Variants in DDX60 observed in about 807,000 individuals in gnomAD.
The protein encoded by DDX60 is DExD/H-box helicase 60.
DDX60 carries 165 observed loss-of-function variants against 212.8 expected under a neutral mutation model. The observed-to-expected ratio is 0.78, with a 90% CI of 0.68 to 0.88. The LOEUF (loss-of-function observed/expected upper bound fraction) is 0.88, where lower values mean the gene tolerates loss of function less well. Among genes scored for constraint, DDX60 ranks in the 40% least tolerant of loss-of-function variants. The pLI is 0.00. For synonymous variants in DDX60, 703 were observed against 685.3 expected (o/e 1.03, Z -0.40); for missense variants, 1,905 against 2,003.9 (o/e 0.95, Z 0.94).
chr4:168,292,045 C>CCT, intron 7 of DDX60, 139 bp from the exon 8 acceptor site: 2 of 415,666 alleles, frequency 4.8e-6, no homozygotes, highest in Non-Finnish European at 7.6e-6. Context: ...TTCTTTCTTT[C>CCT]TTTCTTTTTT....
chr4:168,264,678 T>A (rs901430057), intron 22 of DDX60, among the ~76,000 whole-genome samples: 1 of 152,206 alleles, frequency 6.6e-6, no homozygotes, highest in Non-Finnish European at 1.5e-5. Flanking sequence ...ATAACATATG[T>A]AACAGACTTA....
At chr4:168,235,745 G>A (rs1733608687) in intron 33 of DDX60, among the ~76,000 whole-genome samples, 1 of 151,994 alleles carries the variant, frequency 6.6e-6, no homozygotes, top group Non-Finnish European at 1.5e-5. Flanking sequence ...AGAAAATGTT[G>A]CATGTTACAA....
chr4:168,293,884 A>C lies in DDX60; in HGVS notation c.785T>G (p.Val262Gly). ...VWPEGSDIRR[V>G]FCVTSCSLSL... ...TAATGAGCATGAAGTAACACAAAAG[A>C]CACGCCGAATGTCAGATCCTTCTGG... Residue 262 changes from valine to glycine, a missense_variant, in exon 7 of 38, where the codon GTC becomes GGC. By Grantham distance (109) the Val-to-Gly change is moderately radical. Coordinates refer to ENST00000393743, the MANE Select transcript of DDX60 (RefSeq NM_017631.6). 1 of 1,614,098 alleles carries C rather than the reference A, an allele frequency of 6.2e-7. No individual in the cohort carries two copies. Among genetic ancestry groups the C allele is most frequent in the Non-Finnish European group, 8.5e-7 (1 of 1,179,972 alleles).
At chr4:168,237,549 G>T in intron 31 of DDX60, 122 bp from the exon 32 acceptor site, 1 of 1,173,280 alleles carries the variant, frequency 8.5e-7, no homozygotes, top group South Asian at 1.9e-5. Flanking sequence ...CTATTACTGG[G>T]CCCAACTTTT....
intron 22 of DDX60, among the ~76,000 whole-genome samples, chr4:168,264,959 C>T (rs892547889): frequency 6.6e-6 from 1 of 152,174 alleles, no homozygotes; most frequent in African/African-American, 2.4e-5. Flanking sequence ...TTTTTGTAAA[C>T]CACATTGTCC....
chr4:168,314,945 C>T (rs1350260003), intron 1 of DDX60, among the ~76,000 whole-genome samples: 2 of 152,052 alleles, frequency 1.3e-5, no homozygotes, highest in Non-Finnish European at 2.9e-5. Flanking sequence ...GTTAAAATTG[C>T]AGAGCTCCAA....
At position 168,262,747 on chromosome 4, in the gene DDX60, G is replaced by C; in HGVS notation, c.3080C>G (p.Pro1027Arg). The change falls in exon 23 of 38, where the codon CCT (proline) becomes CGT (arginine). Residue 1027 changes from proline (P) to arginine (R), a missense_variant. Transcript: ENST00000393743. ...ATCATACAGCTGGATGCTTTCTCGAGGTGAAAGGGTAAGATCAGGAGGGAA... is the reference window on the plus strand; with the variant it reads ...ATCATACAGCTGGATGCTTTCTCGACGTGAAAGGGTAAGATCAGGAGGGAA... ...YGFPPDLTLS[P>R]RESIQLYDAM... 6.2e-7 allele frequency: 1 copy of C among 1,612,190 alleles called. No individual in the cohort carries two copies. Among genetic ancestry groups the C allele is most frequent in the Non-Finnish European group, 8.5e-7 (1 of 1,179,044 alleles).
chr4:168,221,825 C>T lies in DDX60; in HGVS notation c.4881G>A (p.Gln1627=), dbSNP rs768153145. 4 of 1,613,262 alleles carry T rather than the reference C, an allele frequency of 2.5e-6. No homozygotes were observed. Among genetic ancestry groups the T allele is most frequent in the Non-Finnish European group, 3.4e-6 (4 of 1,179,578 alleles). ...NRSQAPVLLS[Q]KFDNRGRKMS... ...TTTTCCTTCCTCGGTTATCAAATTT[C>T]TGTGACAACAGCACTGGAGCCTGAG... Residue 1627 remains glutamine, a synonymous_variant, in exon 36 of 38, where the codon CAG becomes CAA. Coordinates refer to ENST00000393743, the MANE Select transcript of DDX60 (RefSeq NM_017631.6).
At chr4:168,271,978 A>AAATATCTTCAT in intron 19 of DDX60, 65 bp downstream of exon 19, 1 of 1,294,548 alleles carries the variant, frequency 7.7e-7, no homozygotes, top group African/African-American at 1.5e-5. Context: ...CTGAAACACC[A>AAATATCTTCAT]AATATCTTCA....
chr4:168,251,569 G>A (rs749557171), intron 27 of DDX60, among the ~76,000 whole-genome samples: 81 of 152,190 alleles, frequency 5.3e-4, no homozygotes, highest in African/African-American at 1.8e-3. Flanking sequence ...AAGAAATACG[G>A]TTGTGTCCAG....
intron 6 of DDX60, among the ~76,000 whole-genome samples, chr4:168,297,358 GAAAGAA>G (rs1736426797): frequency 3.1e-5 from 2 of 63,518 alleles, no homozygotes; most frequent in Non-Finnish European, 5.7e-5. Context: ...AAGAAAGAAA[GAAAGAA>G]AGAAAGAAAG....
chr4:168,278,999 T>C (rs906573829), intron 14 of DDX60, among the ~76,000 whole-genome samples: 2 of 152,024 alleles, frequency 1.3e-5, no homozygotes, highest in Admixed American at 6.6e-5. Flanking sequence ...AGATGCCCAA[T>C]AGAACCTACA....
intron 19 of DDX60, among the ~76,000 whole-genome samples, chr4:168,271,070 G>T (rs1735076260): frequency 6.6e-6 from 1 of 151,782 alleles, no homozygotes; most frequent in African/African-American, 2.4e-5. Flanking sequence ...TAGAGATGGG[G>T]TTTCACCACG....
chr4:168,219,548 T>G (rs1034182797), intron 37 of DDX60, among the ~76,000 whole-genome samples: 1 of 152,152 alleles, frequency 6.6e-6, no homozygotes, highest in African/African-American at 2.4e-5. Flanking sequence ...AGTTTCCTTC[T>G]GCTCCCAAAA....
At chr4:168,234,000 T>C (rs1578978376) in intron 33 of DDX60, among the ~76,000 whole-genome samples, 2 of 152,100 alleles carry the variant, frequency 1.3e-5, no homozygotes, top group South Asian at 2.1e-4. Flanking sequence ...AATGATTGCA[T>C]GTATTTGCCT....
intron 1 of DDX60, among the ~76,000 whole-genome samples, chr4:168,312,118 T>C (rs1407374863): frequency 1.3e-5 from 2 of 152,114 alleles, no homozygotes; most frequent in African/African-American, 4.8e-5. Flanking sequence ...AATTTGGAAC[T>C]GGACTGGATG....
intron 10 of DDX60, among the ~76,000 whole-genome samples, chr4:168,285,704 T>C (rs1236274159): frequency 6.6e-6 from 1 of 150,924 alleles, no homozygotes; most frequent in Non-Finnish European, 1.5e-5. Flanking sequence ...AGACAGCATT[T>C]TGGCATATAT....
chr4:168,314,721 A>G (rs1282423469), intron 1 of DDX60, among the ~76,000 whole-genome samples: 1 of 152,230 alleles, frequency 6.6e-6, no homozygotes, highest in African/African-American at 2.4e-5. Context: ...GAATAAGTCA[A>G]TAAGCTCTTT....
At chr4:168,234,326 G>C (rs546000330) in intron 33 of DDX60, among the ~76,000 whole-genome samples, 1 of 151,472 alleles carries the variant, frequency 6.6e-6, no homozygotes, top group South Asian at 2.1e-4. Flanking sequence ...TTTTTTCTGG[G>C]ACTCCCATTA....
Sources: gnomAD v4.1 joint callset for allele counts (sites outside exome capture counted in the v4.1 genomes callset) on GRCh38, gnomAD v4.1.1 for gene constraint, MANE v1.5 for transcripts, NCBI Gene and HGNC (gene_info 2026-07-23, HGNC 2026-07-21) for gene names.